Variants in MORN5 observed in about 807,000 individuals in gnomAD.
The protein encoded by MORN5 is MORN repeat-containing protein 5.
Under a neutral mutation model 22.1 loss-of-function variants are expected in MORN5, and 21 were observed. The observed-to-expected ratio is 0.95, with a 90% CI of 0.67 to 1.37. The LOEUF (loss-of-function observed/expected upper bound fraction) is 1.37, where lower values mean the gene tolerates loss of function less well. MORN5 is among the 40% of genes most tolerant of loss of function. The pLI is 0.00. For synonymous variants in MORN5, 73 were observed against 74.0 expected (o/e 0.99, Z 0.07); for missense variants, 211 against 215.1 (o/e 0.98, Z 0.12).
intron 1 of MORN5, among the ~76,000 whole-genome samples, chr9:122,166,227 A>G (rs1254307082): frequency 1.3e-5 from 2 of 152,068 alleles, no homozygotes; most frequent in Non-Finnish European, 2.9e-5. Context: ...GGGAGCTACA[A>G]TTCCCGATGA....
chr9:122,171,942 C>A (rs1025169898), intron 3 of MORN5, among the ~76,000 whole-genome samples: 2 of 135,818 alleles, frequency 1.5e-5, no homozygotes, highest in Admixed American at 7.8e-5. Context: ...GCAGTCACTT[C>A]CATCTTTTTT....
chr9:122,172,103 A>T (rs1829374702), intron 3 of MORN5, among the ~76,000 whole-genome samples: 1 of 151,288 alleles, frequency 6.6e-6, no homozygotes. Context: ...CTGGAACTAC[A>T]GGAATGCGCC....
chr9:122,184,386 C>T (rs1342716778), intron 4 of MORN5, among the ~76,000 whole-genome samples: 1 of 152,194 alleles, frequency 6.6e-6, no homozygotes. Flanking sequence ...ACAGTGAACA[C>T]CTAGAGAAGA....
intron 3 of MORN5, 134 bp downstream of exon 3, chr9:122,169,890 A>G: frequency 1.5e-6 from 1 of 674,550 alleles, no homozygotes; most frequent in Non-Finnish European, 2.6e-6. Context: ...AGAATGCAAA[A>G]GAGCCAGGTC....
intron 4 of MORN5, among the ~76,000 whole-genome samples, chr9:122,187,548 T>C (rs1430069678): frequency 6.6e-6 from 1 of 152,064 alleles, no homozygotes; most frequent in Non-Finnish European, 1.5e-5. Flanking sequence ...AGAGGGAACA[T>C]ATACATAAAT....
chr9:122,187,158 C>T (rs1257891173), intron 4 of MORN5, among the ~76,000 whole-genome samples: 6 of 152,236 alleles, frequency 3.9e-5, no homozygotes, highest in African/African-American at 9.6e-5. Context: ...AAGCACCTTT[C>T]GGTGCATGTT....
chr9:122,175,128 G>C (rs1418212969), intron 4 of MORN5, among the ~76,000 whole-genome samples: 2 of 152,228 alleles, frequency 1.3e-5, no homozygotes, highest in Admixed American at 6.5e-5. Flanking sequence ...TGGGACGGAT[G>C]CTGTGGGAGC....
In MORN5 at chr9:122,169,702, G is replaced by A. The variant is rs775254747; in HGVS notation, c.253G>A (p.Asp85Asn). Residue 85 changes from aspartate (D) to asparagine (N), a missense_variant, in exon 3 of 5, where the codon GAC (aspartate) becomes AAC (asparagine). Coordinates refer to ENST00000373764, the MANE Select transcript of MORN5 (RefSeq NM_198469.4). The part of the protein sequence containing the change: ...HYDEKNWHYC[D>N]GYDRRFYTEI... Reference sequence around the variant, plus strand: ...TGATGAGAAAAACTGGCATTACTGCGACGGCTATGATCGGAGGTTTTACAC... The same window carrying A: ...TGATGAGAAAAACTGGCATTACTGCAACGGCTATGATCGGAGGTTTTACAC... The A allele has an allele frequency of 4.3e-6, 7 of 1,614,096 alleles. No individual in the cohort carries two copies. The highest frequency in any genetic ancestry group is 5.9e-6 in the Non-Finnish European group (7 of 1,179,988).
rs72767777 is a variant in MORN5 at position 122,159,971 on chromosome 9, C to A, written c.-2C>A. The A allele has an allele frequency of 1.2e-6, 2 of 1,613,996 alleles. No homozygotes were observed. The highest frequency in any genetic ancestry group is 1.7e-6 in the Non-Finnish European group (2 of 1,179,928). Reference sequence around the variant, plus strand: ...AACAGCTGGAAGCTAAAAACAGGCGCCATGGAGTACACAGGGAGCAAATAT... The same window carrying A: ...AACAGCTGGAAGCTAAAAACAGGCGACATGGAGTACACAGGGAGCAAATAT... On this transcript the variant is annotated 5_prime_UTR_variant, in exon 1 of 5. Coordinates refer to ENST00000373764, the MANE Select transcript of MORN5 (RefSeq NM_198469.4).
chr9:122,166,615 G>A (rs1419238900), intron 1 of MORN5, among the ~76,000 whole-genome samples, 153 bp from the exon 2 acceptor site: 1 of 152,020 alleles, frequency 6.6e-6, no homozygotes, highest in Non-Finnish European at 1.5e-5. Flanking sequence ...AGCTTTTGAG[G>A]GAAACAAAAC....
At chr9:122,192,302 G>A (rs574526503) in intron 4 of MORN5, among the ~76,000 whole-genome samples, 2 of 152,236 alleles carry the variant, frequency 1.3e-5, no homozygotes, top group African/African-American at 4.8e-5. Flanking sequence ...CCTTTTTTAG[G>A]AATGATCTCA....
intron 4 of MORN5, among the ~76,000 whole-genome samples, chr9:122,182,354 C>T (rs773156838): frequency 1.4e-4 from 22 of 152,214 alleles, no homozygotes; most frequent in Admixed American, 3.3e-4. Flanking sequence ...TGCCTGCAAC[C>T]CTCAAACAAG....
chr9:122,185,606 C>T (rs13295892), intron 4 of MORN5, among the ~76,000 whole-genome samples: 59,266 of 150,116 alleles, frequency 0.39, 14,698 homozygotes, highest in Non-Finnish European at 0.57. Context: ...GTGATCCGCC[C>T]GCCTCGGCCT....
chr9:122,170,737 T>A (rs7853100), intron 3 of MORN5, among the ~76,000 whole-genome samples: 7,403 of 152,240 alleles, frequency 0.049, 274 homozygotes, highest in African/African-American at 0.089. Context: ...AAAAACCGTG[T>A]CTCATCATGG....
intron 2 of MORN5, among the ~76,000 whole-genome samples, chr9:122,168,382 T>G (rs1236422546): frequency 6.6e-6 from 1 of 152,204 alleles, no homozygotes; most frequent in African/African-American, 2.4e-5. Context: ...ATACAGAAGT[T>G]TCTGTGTAAA....
At chr9:122,161,062 C>A (rs1013305293) in intron 1 of MORN5, among the ~76,000 whole-genome samples, 1 of 152,206 alleles carries the variant, frequency 6.6e-6, no homozygotes, top group African/African-American at 2.4e-5. Flanking sequence ...GAGGTGGCCA[C>A]TCTTTTTTGC....
chr9:122,174,941 T>C lies in MORN5; in HGVS notation c.439+314T>C, dbSNP rs75430942. 1.9e-3 allele frequency: 1,703 copies of C among 909,354 alleles called. 22 individuals are homozygous for C. In the African/African-American group the frequency reaches 0.029, roughly 15 times the overall value. 56.3% of individuals were successfully genotyped at this position (909,354 alleles called of 1,614,324 possible). ...TGGGCACCTACTATATGCTAGACACTGTGCTTGGTGTTGGGGGAAAAGCAG... is the reference window on the plus strand; with the variant it reads ...TGGGCACCTACTATATGCTAGACACCGTGCTTGGTGTTGGGGGAAAAGCAG... On this transcript the variant is annotated intron_variant, in intron 4 of 4. Transcript: ENST00000373764.
chr9:122,188,073 T>G (rs1376733357), intron 4 of MORN5, among the ~76,000 whole-genome samples: 1 of 152,082 alleles, frequency 6.6e-6, no homozygotes, highest in South Asian at 2.1e-4. Context: ...TGGACTTTGA[T>G]GATTATGGAG....
intron 4 of MORN5, chr9:122,174,918 G>T: frequency 1.0e-6 from 1 of 965,548 alleles, no homozygotes; most frequent in South Asian, 4.8e-5. Context: ...GATTTTAATG[G>T]GCACCTACTA....
Sources: gnomAD v4.1 joint callset for allele counts (sites outside exome capture counted in the v4.1 genomes callset) on GRCh38, gnomAD v4.1.1 for gene constraint, MANE v1.5 for transcripts, NCBI Gene and HGNC (gene_info 2026-07-23, HGNC 2026-07-21) for gene names.